SUGT1: variants seen among roughly 807,000 people sequenced by gnomAD.
SUGT1 encodes the protein protein SGT1 homolog.
A neutral mutation model predicts 56.1 loss-of-function variants in SUGT1; 15 were observed. The ratio of observed to expected loss-of-function variants is 0.27; its 90% CI spans 0.18 to 0.41. The LOEUF (loss-of-function observed/expected upper bound fraction) is 0.41. Among genes scored for constraint, SUGT1 ranks in the 10% least tolerant of loss-of-function variants. The probability of loss-of-function intolerance (pLI) is 1.00; values close to 1 mark genes in which losing one functional copy is unlikely to be tolerated. For synonymous variants in SUGT1, 123 were observed against 128.6 expected, an observed-to-expected ratio of 0.96 and a Z score of 0.30; for missense variants, 347 against 382.2, an observed-to-expected ratio of 0.91 and a Z score of 0.77.
chr13:52,677,557 T>G (rs539994023), intron 11 of SUGT1, among the ~76,000 whole-genome samples: 1 of 152,356 alleles, frequency 6.6e-6, no homozygotes, highest in East Asian at 1.9e-4. Flanking sequence ...TGTAGTATCT[T>G]ACTTAATTCT....
chr13:52,660,247 T>G (rs1962377946), intron 5 of SUGT1, among the ~76,000 whole-genome samples: 1 of 152,184 alleles, frequency 6.6e-6, no homozygotes, highest in African/African-American at 2.4e-5. Flanking sequence ...GATAGAGTTT[T>G]ATCACAGTTC....
At chr13:52,678,960 G>A (rs769481697) in intron 11 of SUGT1, among the ~76,000 whole-genome samples, 23 of 152,068 alleles carry the variant, frequency 1.5e-4, no homozygotes, top group Non-Finnish European at 2.5e-4. Context: ...GGGATTATAG[G>A]TGTGAGCCCC....
chr13:52,693,724 T>G lies in SUGT1; in HGVS notation c.*5889T>G, dbSNP rs1963845038. On this transcript the variant is annotated 3_prime_UTR_variant, in exon 13 of 13. Coordinates refer to ENST00000310528, the MANE Select transcript of SUGT1 (RefSeq NM_006704.5). The stretch of plus-strand genomic sequence containing the variant: ...AATACTAATGTTTTGTGTGTGTGTG[T>G]GTGTGTGCATGTGCATCTGTATGAC... 6.6e-6 allele frequency: 1 copy of G among 152,236 alleles called. No homozygotes were observed. The highest frequency in any genetic ancestry group is 2.1e-4 in the South Asian group (1 of 4,832). The allele number at this position is 152,236 out of a possible 1,614,324, so 9.4% of individuals were successfully genotyped here. A position where few individuals can be genotyped will look rare whatever the true frequency, so the allele number is the denominator to read the frequency against.
chr13:52,686,919 A>G (rs1037135455), intron 12 of SUGT1, among the ~76,000 whole-genome samples: 4 of 151,782 alleles, frequency 2.6e-5, no homozygotes, highest in East Asian at 1.9e-4. Context: ...TAAAAATACA[A>G]AATTAGCCGG....
At position 52,657,580 on chromosome 13, in the gene SUGT1, T is replaced by A. The variant is rs1381227010; in HGVS notation, c.145T>A (p.Cys49Ser). The change falls in exon 3 of 13, where the codon TGT becomes AGT. Residue 49 changes from cysteine (C) to serine (S), a missense_variant. Physicochemically the swap from Cys to Ser is moderately radical, Grantham distance 112. Transcript: ENST00000310528. Reference sequence around the variant, plus strand: ...GAAACCAGATGATGCACAGTATTATTGTCAAAGAGCTTATTGTCACATTCT... The same window carrying A: ...GAAACCAGATGATGCACAGTATTATAGTCAAAGAGCTTATTGTCACATTCT... ...EQKPDDAQYY[C>S]QRAYCHILLG... The A allele has an allele frequency of 6.2e-7, 1 of 1,613,792 alleles. No homozygotes were observed. The highest frequency in any genetic ancestry group is 8.5e-7 in the Non-Finnish European group (1 of 1,179,790).
At chr13:52,657,795 C>T (rs534795389) in intron 3 of SUGT1, among the ~76,000 whole-genome samples, 173 bp downstream of exon 3, 6 of 152,270 alleles carry the variant, frequency 3.9e-5, no homozygotes, top group South Asian at 2.1e-4. Flanking sequence ...TTATGGATGT[C>T]GCTTTTTCCT....
chr13:52,655,689 C>G lies in SUGT1; in HGVS notation c.97-1843C>G, dbSNP rs114418857. ...GAACTGGTGCCATTCATTTAGATAG[C>G]ACTTAGGATGATAGCACTTAGAAGA... On this transcript the variant is annotated intron_variant, in intron 2 of 12. Coordinates refer to ENST00000310528, the MANE Select transcript of SUGT1 (RefSeq NM_006704.5). 7.1e-3 allele frequency among the ~76,000 whole-genome samples: 1,081 copies of G among 152,266 alleles called. 16 individuals carry two copies. The highest frequency in any genetic ancestry group is 0.025 in the African/African-American group (1,040 of 41,546).
chr13:52,667,176 G>T (rs564229729), intron 10 of SUGT1, among the ~76,000 whole-genome samples: 32 of 152,174 alleles, frequency 2.1e-4, no homozygotes, highest in East Asian at 9.6e-4. Flanking sequence ...CAATAAAGGG[G>T]TTTTTTTAAA....
chr13:52,677,533 A>G (rs1963197632), intron 11 of SUGT1, among the ~76,000 whole-genome samples: 1 of 152,224 alleles, frequency 6.6e-6, no homozygotes, highest in South Asian at 2.1e-4. Flanking sequence ...TAAAAAATAT[A>G]TAATCACTTT....
At chr13:52,655,225 A>G (rs867892746) in intron 2 of SUGT1, among the ~76,000 whole-genome samples, 4 of 152,140 alleles carry the variant, frequency 2.6e-5, no homozygotes, top group South Asian at 2.1e-4. Context: ...GGCAGCCGTA[A>G]TCAGCTACCT....
Position 52,698,607 on chromosome 13 carries a change from A to G in SUGT1, c.*10772A>G, listed in dbSNP as rs911445296. 1.3e-5 allele frequency: 2 copies of G among 150,244 alleles called. No individual in the cohort carries two copies. Among genetic ancestry groups the G allele is most frequent in the African/African-American group, 4.9e-5 (2 of 40,990 alleles). 9.3% of individuals were successfully genotyped at this position (150,244 alleles called of 1,614,324 possible). A position where few individuals can be genotyped will look rare whatever the true frequency, so the allele number is the denominator to read the frequency against. ...ACTAGTGCACTAAGCTAATTTTTAAATTTTTTTTGTAGAGACAGGGTCTTG... is the reference window on the plus strand; with the variant it reads ...ACTAGTGCACTAAGCTAATTTTTAAGTTTTTTTTGTAGAGACAGGGTCTTG... On this transcript the variant is annotated 3_prime_UTR_variant, in exon 13 of 13. Transcript: ENST00000310528.
chr13:52,686,482 T>G (rs1963593989), intron 12 of SUGT1, among the ~76,000 whole-genome samples: 1 of 152,002 alleles, frequency 6.6e-6, no homozygotes, highest in African/African-American at 2.4e-5. Context: ...GAAGACAAAT[T>G]TACAGGAATA....
At chr13:52,658,613 C>A in intron 4 of SUGT1, 145 bp downstream of exon 4, 2 of 701,594 alleles carry the variant, frequency 2.9e-6, no homozygotes, top group Non-Finnish European at 4.3e-6. Context: ...ATTTTAAATA[C>A]AACTTATAGT....
At chr13:52,665,575 T>C (rs1962662089) in intron 8 of SUGT1, 62 bp from the exon 9 acceptor site, 3 of 1,294,184 alleles carry the variant, frequency 2.3e-6, no homozygotes, top group African/African-American at 3.1e-5. Context: ...CTAGTTTTTG[T>C]TTTGACAATA....
rs1329011843 is a variant in SUGT1 at position 52,688,163 on chromosome 13, C to G, written c.*328C>G. ...TTCGGTTATTGCCTTATTTTTGATACAGTATTCTGTCAGTAATTTATTAGA... is the reference window on the plus strand; with the variant it reads ...TTCGGTTATTGCCTTATTTTTGATAGAGTATTCTGTCAGTAATTTATTAGA... On this transcript the variant is annotated 3_prime_UTR_variant, in exon 13 of 13. Transcript: ENST00000310528. The G allele has an allele frequency of 6.3e-6, 1 of 159,232 alleles. No homozygotes were observed. Among genetic ancestry groups the G allele is most frequent in the South Asian group, 2.0e-4 (1 of 5,080 alleles). The allele number at this position is 159,232 out of a possible 1,614,324, so 9.9% of individuals were successfully genotyped here.
In SUGT1 at chr13:52,657,537, G is replaced by A. The variant is rs1171921890; in HGVS notation, c.102G>A (p.Leu34=). The A allele has an allele frequency of 6.2e-7, 1 of 1,613,436 alleles. No homozygotes were observed. The highest frequency in any genetic ancestry group is 1.3e-5 in the African/African-American group (1 of 74,922). ...DEDPQAALEE[L]TKALEQKPDD... The stretch of plus-strand genomic sequence containing the variant: ...CCACATGTTTGTTTTTGTAGGAGCT[G>A]ACTAAGGCTTTGGAACAGAAACCAG... The change falls in exon 3 of 13, where the codon CTG becomes CTA. Residue 34 remains leucine (L), a synonymous_variant. Transcript: ENST00000310528.
chr13:52,653,083 G>T lies in SUGT1; in HGVS notation c.76G>T (p.Asp26Tyr). The T allele has an allele frequency of 6.2e-7, 1 of 1,614,102 alleles. No homozygotes were observed. Among genetic ancestry groups the T allele is most frequent in the South Asian group, 1.1e-5 (1 of 91,070 alleles). ...CTTCTCGGATGCCCTAATCGACGAG[G>T]ACCCCCAGGCGGCGTTAGAGGTGAG... ...QSFSDALIDE[D>Y]PQAALEELTK... The change falls in exon 2 of 13, where the codon GAC becomes TAC. Residue 26 changes from aspartate (D) to tyrosine (Y), a missense_variant. Physicochemically the swap from Asp to Tyr is radical, Grantham distance 160. Coordinates refer to ENST00000310528, the MANE Select transcript of SUGT1 (RefSeq NM_006704.5).
chr13:52,669,813 G>A (rs545750472), intron 10 of SUGT1, among the ~76,000 whole-genome samples: 3 of 152,226 alleles, frequency 2.0e-5, no homozygotes, highest in Non-Finnish European at 2.9e-5. Context: ...TGTCTTAAGG[G>A]AAATAAATGA....
intron 12 of SUGT1, among the ~76,000 whole-genome samples, chr13:52,686,986 G>A (rs1469569756): frequency 7.6e-6 from 1 of 132,242 alleles, no homozygotes; most frequent in East Asian, 2.5e-4. Flanking sequence ...CAGGAGAAGC[G>A]CTTGAACCTG....
Sources: allele counts gnomAD v4.1 joint callset (sites outside exome capture counted in the v4.1 genomes callset), GRCh38; gene constraint gnomAD v4.1.1; transcripts MANE v1.5; gene names NCBI Gene and HGNC (gene_info 2026-07-23, HGNC 2026-07-21).